UNC5D: variants seen among roughly 807,000 people sequenced by gnomAD.
The protein encoded by UNC5D is unc-5 netrin receptor D, also known as netrin receptor UNC5D.
Under a neutral mutation model 105.4 loss-of-function variants are expected in UNC5D, and 39 were observed. That is an observed-to-expected ratio of 0.37 (90% CI 0.29 to 0.48). The LOEUF is 0.48. UNC5D is among the 20% of genes least tolerant of loss of function. The pLI, the probability that UNC5D is intolerant of heterozygous loss-of-function variation, is 0.98. For missense variants in UNC5D, 991 were observed against 1,202.4 expected, an observed-to-expected ratio of 0.82 and a Z score of 2.60; for synonymous variants, 452 against 450.4, an observed-to-expected ratio of 1.00 and a Z score of -0.04.
At chr8:35,754,893 CTA>C (rs1407077485) in intron 13 of UNC5D, among the ~76,000 whole-genome samples, 2 of 152,150 alleles carry the variant, frequency 1.3e-5, no homozygotes, top group African/African-American at 4.8e-5. Flanking sequence ...AAAATCGTCT[CTA>C]TGAAAAATTA....
At position 35,790,379 on chromosome 8, in the gene UNC5D, C is replaced by A. The variant is rs528674135; in HGVS notation, c.2678C>A (p.Thr893Lys). The change falls in exon 17 of 17, where the codon ACA (threonine) becomes AAA (lysine). Residue 893 changes from threonine to lysine, a missense_variant. This residue lies in a region of UNC5D where 944 missense variants were observed against 1,131.6 expected (regional missense o/e 0.83). Transcript: ENST00000404895. ...SINRNLSYFA[T>K]QSSPSAVILN... ...TCTAGGAATTTATCTTATTTCGCTACACAAAGTAGCCCATCTGCTGTCATT... is the reference window on the plus strand; with the variant it reads ...TCTAGGAATTTATCTTATTTCGCTAAACAAAGTAGCCCATCTGCTGTCATT... 1.2e-6 allele frequency: 2 copies of A among 1,613,848 alleles called. No homozygotes were observed. The highest frequency in any genetic ancestry group is 2.2e-5 in the East Asian group (1 of 44,868).
At chr8:35,670,660 A>C (rs1563650759) in intron 4 of UNC5D, among the ~76,000 whole-genome samples, 1 of 152,124 alleles carries the variant, frequency 6.6e-6, no homozygotes, top group Non-Finnish European at 1.5e-5. Flanking sequence ...TTGAACAATG[A>C]GAACACATGG....
chr8:35,630,929 T>C (rs1822000270), intron 4 of UNC5D, among the ~76,000 whole-genome samples: 1 of 152,228 alleles, frequency 6.6e-6, no homozygotes, highest in African/African-American at 2.4e-5. Context: ...GATCATCATT[T>C]GGGAATGAAA....
intron 1 of UNC5D, among the ~76,000 whole-genome samples, chr8:35,376,379 GA>G (rs776077183): frequency 1.3e-5 from 2 of 152,148 alleles, no homozygotes; most frequent in Non-Finnish European, 2.9e-5. Flanking sequence ...GGTGAAGAAC[GA>G]GTGATCCTGT....
intron 1 of UNC5D, among the ~76,000 whole-genome samples, chr8:35,450,205 G>A (rs2128990406): frequency 6.6e-6 from 1 of 152,216 alleles, no homozygotes; most frequent in Non-Finnish European, 1.5e-5. Flanking sequence ...GAATAAATCT[G>A]GGTGAGGAAA....
At chr8:35,597,808 C>T (rs1819581184) in intron 4 of UNC5D, among the ~76,000 whole-genome samples, 1 of 152,280 alleles carries the variant, frequency 6.6e-6, no homozygotes, top group Admixed American at 6.5e-5. Flanking sequence ...AAAGGTCTTG[C>T]AGCCATTTAA....
Position 35,785,990 on chromosome 8 carries a change from A to G in UNC5D, c.2658-4369A>G, listed in dbSNP as rs1458033267. On this transcript the variant is annotated intron_variant, in intron 16 of 16. Transcript: ENST00000404895. ...TCCCTGCTTAAGTTTTGATTTCGCA[A>G]TAATGAAACTTTCTTCCCTGTTACT... 4.6e-5 allele frequency among the ~76,000 whole-genome samples: 7 copies of G among 152,146 alleles called. No homozygotes were observed. The East Asian group carries it at 1.3e-3, about 29-fold the overall frequency.
chr8:35,590,640 C>T (rs1427605462), intron 3 of UNC5D, among the ~76,000 whole-genome samples: 1 of 152,050 alleles, frequency 6.6e-6, no homozygotes, highest in Non-Finnish European at 1.5e-5. Context: ...ATATACATGA[C>T]CTCTATGAAG....
At chr8:35,758,352 CTT>C (rs57675032) in intron 13 of UNC5D, among the ~76,000 whole-genome samples, 1 of 151,718 alleles carries the variant, frequency 6.6e-6, no homozygotes, top group African/African-American at 2.4e-5. Context: ...TTCTAACAGT[CTT>C]TTTTTTAAGA....
At chr8:35,247,110 C>G (rs1803155219) in intron 1 of UNC5D, among the ~76,000 whole-genome samples, 1 of 151,838 alleles carries the variant, frequency 6.6e-6, no homozygotes. Flanking sequence ...TTGCCTCTTC[C>G]CTTTCAGGCT....
intron 1 of UNC5D, among the ~76,000 whole-genome samples, chr8:35,360,157 C>T (rs1461456253): frequency 1.3e-5 from 2 of 152,094 alleles, no homozygotes; most frequent in East Asian, 3.9e-4. Context: ...CAGTTCCTTT[C>T]CCTGTCCTTG....
At chr8:35,716,712 G>A (rs867089901) in intron 8 of UNC5D, among the ~76,000 whole-genome samples, 45 of 152,076 alleles carry the variant, frequency 3.0e-4, no homozygotes, top group African/African-American at 1.0e-3. Context: ...TGAGATTTTC[G>A]AGGTTGGGAA....
intron 1 of UNC5D, among the ~76,000 whole-genome samples, chr8:35,415,861 A>G (rs1805495261): frequency 6.6e-6 from 1 of 152,182 alleles, no homozygotes; most frequent in African/African-American, 2.4e-5. Flanking sequence ...AGAAAAGTAA[A>G]CTACAGTAGA....
At chr8:35,332,686 G>C (rs1810717801) in intron 1 of UNC5D, among the ~76,000 whole-genome samples, 1 of 152,152 alleles carries the variant, frequency 6.6e-6, no homozygotes, top group South Asian at 2.1e-4. Context: ...CAAAGTTCTA[G>C]GCACTTCCTT....
intron 1 of UNC5D, among the ~76,000 whole-genome samples, chr8:35,448,551 A>T (rs796084223): frequency 6.6e-6 from 1 of 151,964 alleles, no homozygotes; most frequent in African/African-American, 2.4e-5. Context: ...CAAATTCTTG[A>T]CCCTAATCTG....
intron 1 of UNC5D, among the ~76,000 whole-genome samples, chr8:35,462,937 T>C (rs1015454768): frequency 6.6e-6 from 1 of 152,170 alleles, no homozygotes; most frequent in Non-Finnish European, 1.5e-5. Flanking sequence ...GGCACATAGC[T>C]AAAAGTAGAT....
intron 1 of UNC5D, among the ~76,000 whole-genome samples, chr8:35,301,664 A>G (rs534447723): frequency 6.6e-6 from 1 of 152,248 alleles, no homozygotes; most frequent in South Asian, 2.1e-4. Flanking sequence ...CTACCAAATT[A>G]CGTTTTGGTT....
intron 11 of UNC5D, among the ~76,000 whole-genome samples, chr8:35,740,945 A>G (rs774593460): frequency 3.9e-5 from 6 of 152,212 alleles, no homozygotes; most frequent in Admixed American, 3.9e-4. Context: ...TATCCAGAAT[A>G]TAAGTGCATA....
chr8:35,440,775 C>T (rs1267416658), intron 1 of UNC5D, among the ~76,000 whole-genome samples: 3 of 151,956 alleles, frequency 2.0e-5, no homozygotes, highest in Non-Finnish European at 4.4e-5. Context: ...CCACATAAAA[C>T]ATTTGTCACA....
Sources: gnomAD v4.1 joint callset for allele counts (sites outside exome capture counted in the v4.1 genomes callset) on GRCh38, gnomAD v4.1.1 for gene constraint, gnomAD v4.1.1 regional missense constraint, MANE v1.5 for transcripts, NCBI Gene and HGNC (gene_info 2026-07-23, HGNC 2026-07-21) for gene names.